EPB41L4B: variants seen among roughly 807,000 people sequenced by gnomAD.
The protein encoded by EPB41L4B is erythrocyte membrane protein band 4.1 like 4B.
EPB41L4B carries 30 observed loss-of-function variants against 112.5 expected under a neutral mutation model. The observed-to-expected ratio is 0.27, with a 90% CI of 0.20 to 0.36. EPB41L4B has a LOEUF of 0.36. EPB41L4B is among the 10% of genes least tolerant of loss of function. The pLI is 1.00. For synonymous variants in EPB41L4B, 408 were observed against 439.7 expected, an observed-to-expected ratio of 0.93 and a Z score of 0.90; for missense variants, 1,024 against 1,133.3, an observed-to-expected ratio of 0.90 and a Z score of 1.38.
intron 1 of EPB41L4B, among the ~76,000 whole-genome samples, chr9:109,318,308 C>T (rs567489644): frequency 6.6e-6 from 1 of 152,198 alleles, no homozygotes; most frequent in Admixed American, 6.5e-5. Context: ...AGTGAAGAAA[C>T]CTTTTAGGAT....
At chr9:109,278,073 C>T (rs983670461) in intron 2 of EPB41L4B, among the ~76,000 whole-genome samples, 1 of 152,076 alleles carries the variant, frequency 6.6e-6, no homozygotes, top group African/African-American at 2.4e-5. Flanking sequence ...TCGAGGGATG[C>T]GAAGGACAGT....
chr9:109,289,088 T>C (rs1481013315), intron 1 of EPB41L4B, among the ~76,000 whole-genome samples: 1 of 152,108 alleles, frequency 6.6e-6, no homozygotes, highest in Admixed American at 6.5e-5. Context: ...GCCCTTGTCT[T>C]AGTCACTTCT....
chr9:109,205,203 C>G (rs1832955568), intron 18 of EPB41L4B, among the ~76,000 whole-genome samples: 1 of 152,198 alleles, frequency 6.6e-6, no homozygotes, highest in African/African-American at 2.4e-5. Context: ...GGCTTGTGTT[C>G]CTTATAACAT....
intron 25 of EPB41L4B, 49 bp from the exon 26 acceptor site, chr9:109,174,672 C>T (rs768362975): frequency 6.6e-7 from 1 of 1,505,632 alleles, no homozygotes; most frequent in South Asian, 1.1e-5. Context: ...TCAAAAATTG[C>T]AGAAGCAGAC....
chr9:109,256,217 T>C lies in EPB41L4B; in HGVS notation c.848A>G (p.Asp283Gly). The C allele has an allele frequency of 6.2e-7, 1 of 1,614,050 alleles. No individual in the cohort carries two copies. The highest frequency in any genetic ancestry group is 8.5e-7 in the Non-Finnish European group (1 of 1,179,916). Reference protein sequence around the residue: ...GVDMHVVRGRDGCEYSLGLTP... With the variant: ...GVDMHVVRGRGGCEYSLGLTP... ...CAGTCCAAGAGAATATTCACAGCCA[T>C]CTCTTCCCTACAAACAAACGAAGTG... is the stretch of plus-strand genomic sequence containing the variant. The change falls in exon 9 of 26, where the codon GAT becomes GGT. Residue 283 changes from aspartate to glycine, a missense_variant. Coordinates refer to ENST00000374566, the MANE Select transcript of EPB41L4B (RefSeq NM_019114.5).
chr9:109,192,159 C>T, intron 22 of EPB41L4B, 119 bp downstream of exon 22: 1 of 792,984 alleles, frequency 1.3e-6, no homozygotes, highest in South Asian at 1.8e-5. Flanking sequence ...ATCCCTGAGC[C>T]TCCAGGACAA....
At chr9:109,233,639 T>C (rs763610069) in intron 15 of EPB41L4B, among the ~76,000 whole-genome samples, 2 of 151,768 alleles carry the variant, frequency 1.3e-5, no homozygotes, top group Admixed American at 6.6e-5. Flanking sequence ...CAAGCGATTC[T>C]CCTGTCTCAG....
At chr9:109,268,845 C>T (rs915331025) in intron 2 of EPB41L4B, among the ~76,000 whole-genome samples, 1 of 137,064 alleles carries the variant, frequency 7.3e-6, no homozygotes, top group Non-Finnish European at 1.5e-5. Flanking sequence ...TGCAGTGAGT[C>T]GAGATCGCGC....
At chr9:109,316,882 G>A (rs1837655126) in intron 1 of EPB41L4B, among the ~76,000 whole-genome samples, 1 of 152,134 alleles carries the variant, frequency 6.6e-6, no homozygotes, top group Non-Finnish European at 1.5e-5. Context: ...CAGGAGGATC[G>A]CTTGAGCCTA....
chr9:109,285,221 T>C (rs886791505), intron 1 of EPB41L4B, among the ~76,000 whole-genome samples: 1 of 152,240 alleles, frequency 6.6e-6, no homozygotes, highest in Non-Finnish European at 1.5e-5. Context: ...CCATCACAGC[T>C]CTACTTACGT....
chr9:109,176,273 G>A (rs930754099), intron 25 of EPB41L4B, among the ~76,000 whole-genome samples: 3 of 151,946 alleles, frequency 2.0e-5, no homozygotes, highest in African/African-American at 7.3e-5. Context: ...AATTACAGGT[G>A]TGCACCACCA....
At chr9:109,316,704 T>C (rs1029471316) in intron 1 of EPB41L4B, among the ~76,000 whole-genome samples, 1 of 152,208 alleles carries the variant, frequency 6.6e-6, no homozygotes, top group Non-Finnish European at 1.5e-5. Context: ...GTACAGCAAG[T>C]CCACTTTAGA....
At chr9:109,208,292 G>C (rs1477655008) in intron 17 of EPB41L4B, among the ~76,000 whole-genome samples, 1 of 152,214 alleles carries the variant, frequency 6.6e-6, no homozygotes, top group Non-Finnish European at 1.5e-5. Flanking sequence ...TTAAAGAGAA[G>C]AAAAGGCTTT....
At position 109,185,531 on chromosome 9, in the gene EPB41L4B, C is replaced by T. The variant is rs764903377; in HGVS notation, c.2376G>A (p.Glu792=). 44 of 1,613,458 alleles carry T rather than the reference C, an allele frequency of 2.7e-5. No individual in the cohort carries two copies. The highest frequency in any genetic ancestry group is 3.3e-5 in the Non-Finnish European group (39 of 1,179,730). The part of the protein sequence containing the change: ...SPPLSLPMKE[E]TTGVCMYPPI... ...GAGGGTACATGCAAACTCCAGTGGT[C>T]TCTTCCTTCATGGGGAGAGAGAGTG... Residue 792 remains glutamate, a synonymous_variant, in exon 23 of 26, where the codon GAG becomes GAA. Coordinates refer to ENST00000374566, the MANE Select transcript of EPB41L4B (RefSeq NM_019114.5).
intron 13 of EPB41L4B, among the ~76,000 whole-genome samples, chr9:109,249,728 C>T (rs1319381498): frequency 6.6e-6 from 1 of 152,076 alleles, no homozygotes; most frequent in Non-Finnish European, 1.5e-5. Flanking sequence ...TACTATCTGC[C>T]AGAAGGATCC....
intron 22 of EPB41L4B, among the ~76,000 whole-genome samples, chr9:109,190,822 G>T (rs1397579007): frequency 6.6e-6 from 1 of 152,244 alleles, no homozygotes; most frequent in Non-Finnish European, 1.5e-5. Context: ...CCAAGGCATT[G>T]TTCCACCTGA....
At chr9:109,314,403 T>C (rs1166216627) in intron 1 of EPB41L4B, among the ~76,000 whole-genome samples, 1 of 152,048 alleles carries the variant, frequency 6.6e-6, no homozygotes, top group Non-Finnish European at 1.5e-5. Flanking sequence ...CAGAATTCAA[T>C]GAGATTATGC....
chr9:109,260,069 T>G (rs1564301272), intron 6 of EPB41L4B, among the ~76,000 whole-genome samples: 1 of 152,046 alleles, frequency 6.6e-6, no homozygotes, highest in Non-Finnish European at 1.5e-5. Flanking sequence ...ATCTTCAGTG[T>G]TTTTCTTTTC....
rs974880495 is a variant in EPB41L4B, at chr9:109,182,907, G to T, written c.2419-110C>A. Reference sequence around the variant, plus strand: ...AACCAAAGGATTCAGGGGTGCCCCCGCAGAGCCTTCATCACTCGTGTAAGG... The same window carrying T: ...AACCAAAGGATTCAGGGGTGCCCCCTCAGAGCCTTCATCACTCGTGTAAGG... On this transcript the variant is annotated intron_variant, in intron 23 of 25. Coordinates refer to ENST00000374566, the MANE Select transcript of EPB41L4B (RefSeq NM_019114.5). 5 of 756,290 alleles carry T rather than the reference G, an allele frequency of 6.6e-6. No individual in the cohort carries two copies. In the African/African-American group the frequency reaches 8.7e-5, roughly 13 times the overall value. The allele number at this position is 756,290 out of a possible 1,614,324, so 46.8% of individuals were successfully genotyped here.
Sources: gnomAD v4.1 joint callset for allele counts (sites outside exome capture counted in the v4.1 genomes callset) on GRCh38, gnomAD v4.1.1 for gene constraint, MANE v1.5 for transcripts, NCBI Gene and HGNC (gene_info 2026-07-23, HGNC 2026-07-21) for gene names.